ACBD6: variants seen among roughly 807,000 people sequenced by gnomAD.
ACBD6 encodes acyl-CoA-binding domain-containing protein 6.
In ACBD6, 28 loss-of-function variants were observed where a neutral mutation model predicts 37.2. That is an observed-to-expected ratio of 0.75 (90% CI 0.56 to 1.03). The LOEUF is 1.03. ACBD6 is among the 50% of genes least tolerant of loss of function. The pLI is 0.00. For missense variants in ACBD6, 340 were observed against 337.4 expected (o/e 1.01, Z -0.06); for synonymous variants, 113 against 126.8 (o/e 0.89, Z 0.73).
intron 6 of ACBD6, among the ~76,000 whole-genome samples, chr1:180,360,218 C>T (rs1256591631): frequency 6.6e-6 from 1 of 152,180 alleles, no homozygotes; most frequent in Non-Finnish European, 1.5e-5. Flanking sequence ...CATGTTATTT[C>T]CCCCCTTCAG....
At chr1:180,318,173 C>CA (rs1213206735) in intron 6 of ACBD6, among the ~76,000 whole-genome samples, 3 of 120,054 alleles carry the variant, frequency 2.5e-5, no homozygotes, top group Admixed American at 8.1e-5. Flanking sequence ...GCCCCCCCCC[C>CA]CCAAAAAAAA....
At chr1:180,342,178 A>G (rs1286861608) in intron 6 of ACBD6, among the ~76,000 whole-genome samples, 2 of 152,158 alleles carry the variant, frequency 1.3e-5, no homozygotes, top group Admixed American at 6.5e-5. Flanking sequence ...CATGACTCCA[A>G]TTACAGAATT....
chr1:180,483,762 T>TA (rs1049731230), intron 3 of ACBD6, among the ~76,000 whole-genome samples: 1 of 152,160 alleles, frequency 6.6e-6, no homozygotes, highest in Non-Finnish European at 1.5e-5. Flanking sequence ...ATGGGCTGCT[T>TA]TTTTGTTTTT....
At chr1:180,314,328 T>A (rs1299195894) in intron 7 of ACBD6, among the ~76,000 whole-genome samples, 1 of 152,192 alleles carries the variant, frequency 6.6e-6, no homozygotes, top group Non-Finnish European at 1.5e-5. Context: ...CACTGCAACC[T>A]CCACCTCCCA....
At chr1:180,291,988 A>G (rs1287660213) in intron 7 of ACBD6, among the ~76,000 whole-genome samples, 2 of 152,208 alleles carry the variant, frequency 1.3e-5, no homozygotes, top group East Asian at 1.9e-4. Flanking sequence ...TCAGCTGACC[A>G]TTTGTGATTG....
intron 6 of ACBD6, among the ~76,000 whole-genome samples, chr1:180,377,981 A>ATAATAG (rs1464495292): frequency 1.3e-5 from 2 of 149,400 alleles, no homozygotes. Context: ...AATAATAATA[A>ATAATAG]TAGCCATAAG....
rs139358754 is a variant in ACBD6 at position 180,349,132 on chromosome 1, T to G, written c.664-34410A>C. 1.1e-4 allele frequency among the ~76,000 whole-genome samples: 17 copies of G among 152,128 alleles called. No individual in the cohort carries two copies. In the East Asian group the frequency reaches 3.1e-3, roughly 28 times the overall value. On this transcript the variant is annotated intron_variant, in intron 6 of 7. Coordinates refer to ENST00000367595, the MANE Select transcript of ACBD6 (RefSeq NM_032360.4). ...ATCCTTTATTTAACTTAATTTTTCT[T>G]ATAAAGTCAGCTTTTATTTACTTAT...
At chr1:180,479,169 G>C (rs1427979131) in intron 3 of ACBD6, among the ~76,000 whole-genome samples, 2 of 152,044 alleles carry the variant, frequency 1.3e-5, no homozygotes, top group Non-Finnish European at 2.9e-5. Context: ...CTCATTTAAA[G>C]CCTCTTCTCT....
At position 180,492,148 on chromosome 1, in the gene ACBD6, A is replaced by G. The variant is rs1453626356; in HGVS notation, c.384+121T>C. On this transcript the variant is annotated intron_variant, in intron 3 of 7. Transcript: ENST00000367595. Reference sequence around the variant, plus strand: ...TAGATAAATATTACAATAACTTTAAAATATTTCAAGAAAGTAAAACTTTAA... The same window carrying G: ...TAGATAAATATTACAATAACTTTAAGATATTTCAAGAAAGTAAAACTTTAA... 6 of 766,588 alleles carry G rather than the reference A, an allele frequency of 7.8e-6. No individual in the cohort carries two copies. The East Asian group carries it at 1.6e-4, about 21-fold the overall frequency. 47.5% of individuals were successfully genotyped at this position (766,588 alleles called of 1,614,324 possible).
intron 3 of ACBD6, among the ~76,000 whole-genome samples, chr1:180,463,426 C>A (rs1365724427): frequency 6.6e-6 from 1 of 152,062 alleles, no homozygotes; most frequent in African/African-American, 2.4e-5. Context: ...ATTACAAATA[C>A]CTCTATGCAT....
chr1:180,394,270 T>C (rs1654179762), intron 6 of ACBD6, among the ~76,000 whole-genome samples: 1 of 151,722 alleles, frequency 6.6e-6, no homozygotes, highest in Non-Finnish European at 1.5e-5. Context: ...AAAAAAAATG[T>C]GTGGAGATGG....
intron 6 of ACBD6, among the ~76,000 whole-genome samples, chr1:180,380,177 C>T (rs1653583766): frequency 6.6e-6 from 1 of 152,148 alleles, no homozygotes; most frequent in South Asian, 2.1e-4. Flanking sequence ...AAGAAGATTG[C>T]TTGAGCCCGG....
chr1:180,359,259 T>C (rs985460867), intron 6 of ACBD6, among the ~76,000 whole-genome samples: 4 of 152,226 alleles, frequency 2.6e-5, no homozygotes, highest in African/African-American at 7.2e-5. Context: ...TTTATTTTAC[T>C]TGAAAGCTAG....
intron 6 of ACBD6, among the ~76,000 whole-genome samples, chr1:180,348,979 A>G (rs987172243): frequency 6.6e-6 from 1 of 152,146 alleles, no homozygotes; most frequent in Non-Finnish European, 1.5e-5. Context: ...ATATAACAGA[A>G]TATTACCCTT....
intron 5 of ACBD6, among the ~76,000 whole-genome samples, chr1:180,410,705 C>T (rs2101969228): frequency 6.6e-6 from 1 of 151,992 alleles, no homozygotes; most frequent in East Asian, 1.9e-4. Flanking sequence ...TGCTCATTGA[C>T]AATGTGCTTG....
chr1:180,500,236 A>G (rs1294907846), intron 1 of ACBD6, among the ~76,000 whole-genome samples: 1 of 152,208 alleles, frequency 6.6e-6, no homozygotes, highest in Non-Finnish European at 1.5e-5. Context: ...CAAAAAGAAA[A>G]AAAGTTTACA....
intron 4 of ACBD6, among the ~76,000 whole-genome samples, chr1:180,428,081 T>C (rs1648666371): frequency 6.6e-6 from 1 of 152,144 alleles, no homozygotes; most frequent in Non-Finnish European, 1.5e-5. Flanking sequence ...TTACTGTGTT[T>C]GTAATAGTTA....
intron 6 of ACBD6, among the ~76,000 whole-genome samples, chr1:180,378,878 G>A (rs1276655318): frequency 6.6e-6 from 1 of 152,108 alleles, no homozygotes; most frequent in Non-Finnish European, 1.5e-5. Context: ...GGTCCCAGAG[G>A]GTTGTCCCAC....
chr1:180,360,031 GT>G (rs1652788359), intron 6 of ACBD6, among the ~76,000 whole-genome samples: 1 of 152,034 alleles, frequency 6.6e-6, no homozygotes, highest in Non-Finnish European at 1.5e-5. Flanking sequence ...GGTACTTTGG[GT>G]TTTTACATAG....
Sources: allele counts gnomAD v4.1 joint callset (sites outside exome capture counted in the v4.1 genomes callset), GRCh38; gene constraint gnomAD v4.1.1; transcripts MANE v1.5; gene names NCBI Gene and HGNC (gene_info 2026-07-23, HGNC 2026-07-21).